The following ABAT variants were observed in gnomAD, a reference collection of about 807,000 sequenced individuals.
The protein encoded by ABAT is 4-aminobutyrate aminotransferase, mitochondrial.
ABAT carries 45 observed loss-of-function variants against 64.6 expected under a neutral mutation model. That is an observed-to-expected ratio of 0.70 (90% CI 0.55 to 0.89). The LOEUF (loss-of-function observed/expected upper bound fraction) is 0.89, where lower values mean the gene tolerates loss of function less well. Ranked by LOEUF, ABAT falls within the 40% of genes least tolerant of loss-of-function variation. The probability of loss-of-function intolerance (pLI) is 0.00; values close to 1 mark genes in which losing one functional copy is unlikely to be tolerated. For synonymous variants in ABAT, 297 were observed against 250.5 expected (o/e 1.19, Z -1.75); for missense variants, 633 against 658.4 (o/e 0.96, Z 0.42).
intron 5 of ABAT, among the ~76,000 whole-genome samples, chr16:8,757,481 T>G (rs2059681327): frequency 6.6e-6 from 1 of 152,156 alleles, no homozygotes; most frequent in Non-Finnish European, 1.5e-5. Context: ...TTATCTCACC[T>G]TATGTTTATG....
At position 8,772,789 on chromosome 16, in the gene ABAT, C is replaced by G. The variant is rs758488862; in HGVS notation, c.826C>G (p.Leu276Val). The G allele has an allele frequency of 6.2e-7, 1 of 1,614,156 alleles. No individual in the cohort carries two copies. Among genetic ancestry groups the G allele is most frequent in the South Asian group, 1.1e-5 (1 of 91,084 alleles). Residue 276 changes from leucine (L) to valine (V), a missense_variant, in exon 12 of 16, where the codon CTG (leucine) becomes GTG (valine). Transcript: ENST00000268251. Reference sequence around the variant, plus strand: ...CCCCTTTGGGATCCAGGTGGAGGATCTGATTGTGAAATATCGGAAAAAGAA... The same window carrying G: ...CCCCTTTGGGATCCAGGTGGAGGATGTGATTGTGAAATATCGGAAAAAGAA... ...EARCLEEVED[L>V]IVKYRKKKKT...
chr16:8,773,899 A>G (rs1310515218), intron 12 of ABAT, among the ~76,000 whole-genome samples: 1 of 152,104 alleles, frequency 6.6e-6, no homozygotes, highest in Non-Finnish European at 1.5e-5. Flanking sequence ...TTTATGGCTG[A>G]ATAGTATTTC....
Position 8,700,606 on chromosome 16 carries a change from C to G in ABAT, c.-42+25895C>G, listed in dbSNP as rs2057800111. Among the ~76,000 whole-genome samples the G allele has an allele frequency of 3.3e-5, 5 of 151,978 alleles. No individual in the cohort carries two copies. In the South Asian group the frequency reaches 1.0e-3, roughly 31 times the overall value. Reference sequence around the variant, plus strand: ...GTTTGTGAAATCCCACAATTAATCCCTTTTTTAAAGAGACATTGACTTGCT... The same window carrying G: ...GTTTGTGAAATCCCACAATTAATCCGTTTTTTAAAGAGACATTGACTTGCT... On this transcript the variant is annotated intron_variant, in intron 1 of 15. Coordinates refer to ENST00000268251, the MANE Select transcript of ABAT (RefSeq NM_020686.6).
At chr16:8,706,230 T>A (rs550457557) in intron 1 of ABAT, among the ~76,000 whole-genome samples, 1 of 137,054 alleles carries the variant, frequency 7.3e-6, no homozygotes, top group African/African-American at 2.6e-5. Context: ...TCTGTCTCTA[T>A]AAAAAAAAAT....
intron 13 of ABAT, among the ~76,000 whole-genome samples, chr16:8,775,295 C>T (rs2060234656): frequency 6.7e-6 from 1 of 149,068 alleles, no homozygotes; most frequent in African/African-American, 2.5e-5. Flanking sequence ...TGTGTGCACA[C>T]ACAATAATAT....
chr16:8,708,030 C>T (rs1030171039), intron 1 of ABAT, among the ~76,000 whole-genome samples: 1 of 152,180 alleles, frequency 6.6e-6, no homozygotes, highest in Non-Finnish European at 1.5e-5. Context: ...GAGGAGAAAG[C>T]TGGAACCAGT....
intron 1 of ABAT, among the ~76,000 whole-genome samples, chr16:8,708,222 G>C (rs142285763): frequency 6.6e-6 from 1 of 152,112 alleles, no homozygotes; most frequent in Admixed American, 6.6e-5. Context: ...AAGGTCTCAC[G>C]CTGGTAAGAA....
chr16:8,771,669 A>T (rs530443759), intron 11 of ABAT, among the ~76,000 whole-genome samples: 76 of 151,884 alleles, frequency 5.0e-4, no homozygotes, highest in Admixed American at 1.8e-3. Context: ...GGGTTTCACC[A>T]TGGTAGCCAG....
chr16:8,776,197 T>G lies in ABAT; in HGVS notation c.1123-147T>G. 1 of 1,064,270 alleles carries G rather than the reference T, an allele frequency of 9.4e-7. No individual in the cohort carries two copies. Among genetic ancestry groups the G allele is most frequent in the Non-Finnish European group, 1.4e-6 (1 of 708,840 alleles). The allele number at this position is 1,064,270 out of a possible 1,614,324, so 65.9% of individuals were successfully genotyped here. On this transcript the variant is annotated intron_variant, in intron 13 of 15. Transcript: ENST00000268251. This position sits in a 1 kb window ranked among gnomAD's most constrained non-coding sequence, Gnocchi z 4.4. ...CTGGTAGAGAAGAATTCAGCGAGATTGGGTGTGTTCCCCTGCCAGCCTCTG... is the reference window on the plus strand; with the variant it reads ...CTGGTAGAGAAGAATTCAGCGAGATGGGGTGTGTTCCCCTGCCAGCCTCTG...
At chr16:8,756,968 C>T (rs2059665194) in intron 5 of ABAT, among the ~76,000 whole-genome samples, 1 of 152,132 alleles carries the variant, frequency 6.6e-6, no homozygotes, top group African/African-American at 2.4e-5. Flanking sequence ...TGTGTGAAGG[C>T]AGGATGAGGC....
rs541072883 is a variant in ABAT at position 8,777,126 on chromosome 16, C to T, written c.1269+636C>T. Among the ~76,000 whole-genome samples the T allele has an allele frequency of 2.6e-5, 4 of 152,192 alleles. No individual in the cohort carries two copies. The South Asian group carries it at 8.3e-4, about 32-fold the overall frequency. On this transcript the variant is annotated intron_variant, in intron 14 of 15. Transcript: ENST00000268251. ...ATGTTGGCCAGGCTGGTCTCGAACC[C>T]CCGACCTCAGGTGATCCGCTTGCCT...
chr16:8,743,429 A>AAACAG (rs1376101974), intron 2 of ABAT, among the ~76,000 whole-genome samples: 1 of 71,742 alleles, frequency 1.4e-5, no homozygotes, highest in African/African-American at 4.6e-5. Context: ...ACAGTTATAT[A>AAACAG]TATATATATA....
At chr16:8,731,936 C>T (rs945598340) in intron 1 of ABAT, among the ~76,000 whole-genome samples, 3 of 152,096 alleles carry the variant, frequency 2.0e-5, no homozygotes, top group Non-Finnish European at 2.9e-5. Context: ...TCACTGTAAC[C>T]TCTGCCTCCC....
At chr16:8,726,226 C>A (rs2058548376) in intron 1 of ABAT, among the ~76,000 whole-genome samples, 1 of 148,584 alleles carries the variant, frequency 6.7e-6, no homozygotes, top group Admixed American at 6.7e-5. Flanking sequence ...ACATGATGAT[C>A]TCCAGTTCCA....
chr16:8,742,623 G>T (rs1035157999), intron 2 of ABAT, among the ~76,000 whole-genome samples: 1 of 152,024 alleles, frequency 6.6e-6, no homozygotes, highest in Non-Finnish European at 1.5e-5. Context: ...CCAGCACTTT[G>T]GGGGGCCAAG....
chr16:8,722,131 G>A (rs2058389642), intron 1 of ABAT, among the ~76,000 whole-genome samples: 1 of 152,182 alleles, frequency 6.6e-6, no homozygotes, highest in African/African-American at 2.4e-5. Flanking sequence ...ACACCTGTCT[G>A]CTCTCTGCCA....
intron 2 of ABAT, among the ~76,000 whole-genome samples, chr16:8,739,764 AC>A (rs1567297085): frequency 8.0e-4 from 28 of 35,220 alleles, no homozygotes; most frequent in Non-Finnish European, 1.8e-3. Flanking sequence ...AAACAAAAAA[AC>A]AGAAAAAATA....
rs750745519 is a variant in ABAT, at chr16:8,754,179, TAAA to T, written c.317-3554_317-3552del. On this transcript the variant is annotated intron_variant, in intron 5 of 15. Coordinates refer to ENST00000268251, the MANE Select transcript of ABAT (RefSeq NM_020686.6). ...AGCCAACATGTTGAAACCCTGTCTA[TAAA>T]AAAAAAAAAAAAAAAAAAAAAAATT... Among the ~76,000 whole-genome samples the T allele has an allele frequency of 5.7e-3, 366 of 63,836 alleles. 10 individuals carry two copies. Among genetic ancestry groups the T allele is most frequent in the African/African-American group, 0.019 (337 of 18,060 alleles). The allele number at this position is 63,836 out of a possible 152,430, so 41.9% of individuals were successfully genotyped here.
Position 8,735,783 on chromosome 16 carries a change from A to T in ABAT, c.44A>T (p.Gln15Leu), listed in dbSNP as rs375337638. Residue 15 changes from glutamine to leucine, a missense_variant, in exon 2 of 16, where the codon CAG becomes CTG. Physicochemically the swap from Gln to Leu is moderately radical, Grantham distance 113. Coordinates refer to ENST00000268251, the MANE Select transcript of ABAT (RefSeq NM_020686.6). ...GCCCAGCGCCTGGCCTGCAGCTTCCAGCACAGCTACCGCCTGCTGGTGCCT... is the reference window on the plus strand; with the variant it reads ...GCCCAGCGCCTGGCCTGCAGCTTCCTGCACAGCTACCGCCTGCTGGTGCCT... ...LLAQRLACSF[Q>L]HSYRLLVPGS... is the part of the protein sequence containing the mutation. 11 of 1,607,704 alleles carry T rather than the reference A, an allele frequency of 6.8e-6. No homozygotes were observed. In the African/African-American group the frequency reaches 9.3e-5, roughly 14 times the overall value.
Sources: gnomAD v4.1 joint callset for allele counts (sites outside exome capture counted in the v4.1 genomes callset) on GRCh38, gnomAD v4.1.1 for gene constraint, Gnocchi (gnomAD v3.1) non-coding constraint, MANE v1.5 for transcripts, NCBI Gene and HGNC (gene_info 2026-07-23, HGNC 2026-07-21) for gene names.